TTN: variants seen among roughly 807,000 people sequenced by gnomAD.
TTN encodes the protein titin.
A neutral mutation model predicts 3,223.0 loss-of-function variants in TTN; 1,525 were observed. That is an observed-to-expected ratio of 0.47 (90% CI 0.45 to 0.49). TTN has a LOEUF of 0.49. Among genes scored for constraint, TTN ranks in the 20% least tolerant of loss-of-function variants. TTN has a pLI of 0.00. For synonymous variants in TTN, 14,094 were observed against 15,161.0 expected (o/e 0.93, Z 5.17); for missense variants, 40,786 against 43,424.0 (o/e 0.94, Z 5.40).
intron 302 of TTN, 37 bp from the exon 303 acceptor site, chr2:178,591,929 T>G (rs190278627): frequency 6.2e-7 from 1 of 1,606,048 alleles, no homozygotes; most frequent in East Asian, 2.2e-5. Flanking sequence ...AAAGTAATAT[T>G]CTTAAAGACA....
rs1178807411 is a variant in TTN, at chr2:178,534,500, A to G, written c.102115T>C (p.Phe34039Leu). Residue 34039 changes from phenylalanine to leucine, a missense_variant, in exon 358 of 363, where the codon TTC becomes CTC. Coordinates refer to ENST00000589042, the MANE Select transcript of TTN (RefSeq NM_001267550.2). ...NAEYTFDEEA[F>L]KEISIEAMDF... ...ATGGCTTCAATGCTAATCTCTTTGAATGCTTCCTCATCGAAAGTATATTCA... is the reference window on the plus strand; with the variant it reads ...ATGGCTTCAATGCTAATCTCTTTGAGTGCTTCCTCATCGAAAGTATATTCA... 6.2e-7 allele frequency: 1 copy of G among 1,613,806 alleles called. No homozygotes were observed. Among genetic ancestry groups the G allele is most frequent in the Admixed American group, 1.7e-5 (1 of 60,012 alleles).
chr2:178,722,090 C>G lies in TTN; in HGVS notation c.22573G>C (p.Asp7525His). The G allele has an allele frequency of 1.9e-6, 3 of 1,605,726 alleles. No homozygotes were observed. The highest frequency in any genetic ancestry group is 2.6e-6 in the Non-Finnish European group (3 of 1,175,394). ...PFFDIKPVSI[D>H]VIAGESADFE... ...TCAGCACTTTCTCCAGCAATAACAT[C>G]TATAGATACAGGCTTGATGTCAAAG... Residue 7525 changes from aspartate to histidine, a missense_variant, in exon 78 of 363, where the codon GAT becomes CAT. Transcript: ENST00000589042.
At chr2:178,772,864 G>C (rs541511945) in intron 33 of TTN, 2 of 533,288 alleles carry the variant, frequency 3.8e-6, no homozygotes, top group Non-Finnish European at 6.6e-6. Context: ...GGATGAGGAA[G>C]AGATCATATA....
At position 178,735,910 on chromosome 2, in the gene TTN, C is replaced by T. The variant is rs752150323; in HGVS notation, c.14536G>A (p.Ala4846Thr). ...AGTTCTAAAATGTGTTTGTTTTCTG[C>T]GTCGGAAATCCTCCAGTTAGGTGAA... ...SPSPNWRISDAENKHILELSN... is the reference protein window; with the variant it reads ...SPSPNWRISDTENKHILELSN... The change falls in exon 50 of 363, where the codon GCA becomes ACA. Residue 4846 changes from alanine (A) to threonine (T), a missense_variant. Physicochemically the swap from Ala to Thr is moderately conservative, Grantham distance 58. Transcript: ENST00000589042. The T allele has an allele frequency of 3.7e-5, 60 of 1,613,710 alleles. 1 individual carries two copies. The highest frequency in any genetic ancestry group is 1.8e-4 in the Admixed American group (11 of 59,972).
intron 49 of TTN, among the ~76,000 whole-genome samples, chr2:178,737,069 T>TGGGAAGAGGGAAAGAAA (rs2081587433): frequency 6.6e-6 from 1 of 150,878 alleles, no homozygotes; most frequent in South Asian, 2.1e-4. Context: ...CACTTTCTCT[T>TGGGAAGAGGGAAAGAAA]GGGAAGAGGG....
At chr2:178,789,074 G>C (rs2093355204) in intron 13 of TTN, among the ~76,000 whole-genome samples, 1 of 152,022 alleles carries the variant, frequency 6.6e-6, no homozygotes, top group South Asian at 2.1e-4. Context: ...AAATTAGCCT[G>C]CATGCAATTT....
Position 178,701,202 on chromosome 2 carries a change from T to G in TTN, c.30600A>C (p.Glu10200Asp). The stretch of plus-strand genomic sequence containing the variant: ...TAGGAGGAGCAACCACAGGAGGGAT[T>G]TCTGAAGAAAATAAATGCCGTTAGT... ...TMPIRAVPPE[E>D]IPPVVAPPIP... The change falls in exon 111 of 363, where the codon GAA becomes GAC. Residue 10200 changes from glutamate to aspartate, a missense_variant and splice_region_variant. By Grantham distance (45) the Glu-to-Asp change is conservative (BLOSUM62 2). Coordinates refer to ENST00000589042, the MANE Select transcript of TTN (RefSeq NM_001267550.2). 6.2e-7 allele frequency: 1 copy of G among 1,604,414 alleles called. No individual in the cohort carries two copies. Among genetic ancestry groups the G allele is most frequent in the Non-Finnish European group, 8.5e-7 (1 of 1,177,208 alleles).
Position 178,677,842 on chromosome 2 carries a change from A to G in TTN, c.34070T>C (p.Ile11357Thr). 1 of 1,612,488 alleles carries G rather than the reference A, an allele frequency of 6.2e-7. No individual in the cohort carries two copies. Among genetic ancestry groups the G allele is most frequent in the Middle Eastern group, 1.7e-4 (1 of 6,058 alleles). ...AGGTAGAACTTCCTCTTCAGGAACA[A>G]TTTCTTCTTCAAATAGAACTTCCTC... ...QEEEVLFEEE[I>T]VPEEEVLPEE... The change falls in exon 146 of 363, where the codon ATT becomes ACT. Residue 11357 changes from isoleucine (I) to threonine (T), a missense_variant. Transcript: ENST00000589042.
Position 178,568,300 on chromosome 2 carries a change from A to G in TTN, c.77832T>C (p.Thr25944=), listed in dbSNP as rs768055051. Residue 25944 remains threonine, a synonymous_variant, in exon 326 of 363, where the codon ACT becomes ACC. Transcript: ENST00000589042. Reference sequence around the variant, plus strand: ...TCACTTTGAGTGTAGTTCTAGCAACAGTAGCAGAAACAACATCCCATACTG... The same window carrying G: ...TCACTTTGAGTGTAGTTCTAGCAACGGTAGCAGAAACAACATCCCATACTG... The part of the protein sequence containing the change: ...TTTVWDVVSA[T]VARTTLKVTK... 6.2e-7 allele frequency: 1 copy of G among 1,613,488 alleles called. No homozygotes were observed. Among genetic ancestry groups the G allele is most frequent in the Non-Finnish European group, 8.5e-7 (1 of 1,179,640 alleles).
Position 178,548,729 on chromosome 2 carries a change from A to G in TTN, c.92897T>C (p.Leu30966Pro). ...TGTATGGATATCAGCCCGAAGGCTA[A>G]GGTTAGAGTCTGGTTTGCTCCACAC... ...TAVWSKPDSNLSLRADIHTTD... is the reference protein window; with the variant it reads ...TAVWSKPDSNPSLRADIHTTD... Residue 30966 changes from leucine (L) to proline (P), a missense_variant, in exon 339 of 363, where the codon CTT becomes CCT. By Grantham distance (98) the Leu-to-Pro change is moderately conservative. Coordinates refer to ENST00000589042, the MANE Select transcript of TTN (RefSeq NM_001267550.2). This position sits in a 1 kb window ranked among gnomAD's most constrained non-coding sequence, Gnocchi z 4.3. 6.2e-7 allele frequency: 1 copy of G among 1,613,868 alleles called. No homozygotes were observed.
In TTN at chr2:178,579,625, A is replaced by G. The variant is rs1333811749; in HGVS notation, c.67572T>C (p.Ser22524=). The G allele has an allele frequency of 6.2e-7, 1 of 1,613,274 alleles. No homozygotes were observed. Among genetic ancestry groups the G allele is most frequent in the Admixed American group, 1.7e-5 (1 of 59,974 alleles). Residue 22524 remains serine (S), a synonymous_variant, in exon 319 of 363, where the codon AGT becomes AGC. Coordinates refer to ENST00000589042, the MANE Select transcript of TTN (RefSeq NM_001267550.2). ...TTCCTTCTCCATTTTCATTCTCAGC[A>G]CTCACTCTGAAGGTATATTCCTTCC... is the stretch of plus-strand genomic sequence containing the variant. The part of the protein sequence containing the change: ...TEGKEYTFRV[S]AENENGEGTP...
At chr2:178,758,035 A>G in intron 44 of TTN, 119 bp from the exon 45 acceptor site, 1 of 1,091,576 alleles carries the variant, frequency 9.2e-7, no homozygotes. Context: ...GTCCACTCCT[A>G]CTGCCTTGTC....
chr2:178,639,885 C>A, intron 222 of TTN, 97 bp from the exon 223 acceptor site: 1 of 1,436,470 alleles, frequency 7.0e-7, no homozygotes, highest in Non-Finnish European at 9.5e-7. Context: ...ATTTTGAAAT[C>A]TTCAAATAAC....
intron 240 of TTN, among the ~76,000 whole-genome samples, chr2:178,625,697 A>G (rs1483820185): frequency 6.6e-6 from 1 of 151,998 alleles, no homozygotes; most frequent in Non-Finnish European, 1.5e-5. Flanking sequence ...AGCATTGGGT[A>G]TAAGGACTAT....
In TTN at chr2:178,664,479, A is replaced by T. The variant is rs757477457; in HGVS notation, c.36261T>A (p.Ala12087=). The T allele has an allele frequency of 8.7e-6, 14 of 1,612,184 alleles. No homozygotes were observed. The highest frequency in any genetic ancestry group is 1.2e-5 in the Non-Finnish European group (14 of 1,179,358). The change falls in exon 168 of 363, where the codon GCT becomes GCA. Residue 12087 remains alanine (A), a synonymous_variant. Transcript: ENST00000589042. ...PEKKVHPPQR[A]EVVPVKVHEA... The stretch of plus-strand genomic sequence containing the variant: ...ATGTACCTTTGACAGGTACAACTTC[A>T]GCCCTTTGGGGAGGATGCACTTTCT...
chr2:178,586,855 A>G (rs1253216390), intron 307 of TTN, 48 bp from the exon 308 acceptor site: 1 of 1,587,574 alleles, frequency 6.3e-7, no homozygotes, highest in South Asian at 1.1e-5. Context: ...ACCTAATCAA[A>G]TCCCCTTTGT....
At chr2:178,750,001 T>C (rs1412836854) in intron 47 of TTN, 1 of 1,613,224 alleles carries the variant, frequency 6.2e-7, no homozygotes, top group Non-Finnish European at 8.5e-7. Context: ...CTTGAGGCAT[T>C]GCTTTAGGTT....
In TTN at chr2:178,590,750, G is replaced by A. The variant is rs727505195; in HGVS notation, c.60975C>T (p.Ile20325=). 32 of 1,610,304 alleles carry A rather than the reference G, an allele frequency of 2.0e-5. No homozygotes were observed. In the East Asian group the frequency reaches 4.9e-4, roughly 25 times the overall value. The part of the protein sequence containing the change: ...GKWVRVNKTP[I]ADLKFRVTGL... ...CAGTCACTCTGAACTTCAGGTCAGC[G>A]ATAGGTGTTTTGTTGACCCTCACCC... is the stretch of plus-strand genomic sequence containing the variant. The change falls in exon 304 of 363, where the codon ATC becomes ATT. Residue 20325 remains isoleucine, a synonymous_variant. Coordinates refer to ENST00000589042, the MANE Select transcript of TTN (RefSeq NM_001267550.2).
Position 178,569,591 on chromosome 2 carries a change from A to G in TTN, c.76541T>C (p.Leu25514Pro), listed in dbSNP as rs1553601755. The G allele has an allele frequency of 6.2e-7, 1 of 1,612,642 alleles. No individual in the cohort carries two copies. Among genetic ancestry groups the G allele is most frequent in the Non-Finnish European group, 8.5e-7 (1 of 1,179,400 alleles). Residue 25514 changes from leucine to proline, a missense_variant, in exon 326 of 363, where the codon CTA (leucine) becomes CCA (proline). Physicochemically the swap from Leu to Pro is moderately conservative, Grantham distance 98. Transcript: ENST00000589042. ...KLEAPDIDLDLELRKIINIRA... is the reference protein window; with the variant it reads ...KLEAPDIDLDPELRKIINIRA... ...TATATTTATGATTTTCCTTAGTTCT[A>G]GGTCAAGATCAATGTCTGGTGCTTC... is the stretch of plus-strand genomic sequence containing the variant.
Sources: allele counts gnomAD v4.1 joint callset (sites outside exome capture counted in the v4.1 genomes callset), GRCh38; gene constraint gnomAD v4.1.1; non-coding constraint Gnocchi (gnomAD v3.1); transcripts MANE v1.5; gene names NCBI Gene and HGNC (gene_info 2026-07-23, HGNC 2026-07-21).